The following MAP4K4 variants were observed in gnomAD, a reference collection of about 807,000 sequenced individuals.
MAP4K4 encodes mitogen-activated protein kinase kinase kinase kinase 4, also known as HPK/GCK-like kinase HGK.
Under a neutral mutation model 189.6 loss-of-function variants are expected in MAP4K4, and 38 were observed. That is an observed-to-expected ratio of 0.20 (90% CI 0.15 to 0.26). The LOEUF (loss-of-function observed/expected upper bound fraction) is 0.26, where lower values mean the gene tolerates loss of function less well. Among genes scored for constraint, MAP4K4 ranks in the 10% least tolerant of loss-of-function variants. MAP4K4 has a pLI of 1.00. For missense variants in MAP4K4, 1,054 were observed against 1,726.9 expected (o/e 0.61, Z 6.91); for synonymous variants, 610 against 624.3 (o/e 0.98, Z 0.34).
At chr2:101,782,010 C>T (rs979737141) in intron 2 of MAP4K4, among the ~76,000 whole-genome samples, 17 of 152,102 alleles carry the variant, frequency 1.1e-4, no homozygotes, top group African/African-American at 4.1e-4. Flanking sequence ...TACTGCCTGA[C>T]GTAATATTCC....
intron 7 of MAP4K4, among the ~76,000 whole-genome samples, chr2:101,833,054 G>T (rs1036719169): frequency 4.6e-5 from 7 of 152,114 alleles, no homozygotes; most frequent in Non-Finnish European, 8.8e-5. Flanking sequence ...ATGTTGCCAG[G>T]AGTGGCCACT....
intron 3 of MAP4K4, among the ~76,000 whole-genome samples, chr2:101,815,818 G>A (rs1337601364): frequency 1.3e-5 from 2 of 152,160 alleles, no homozygotes. Context: ...AACGGCAGGA[G>A]GCACTGCTTC....
At chr2:101,819,420 AGT>A (rs1307460870) in intron 3 of MAP4K4, among the ~76,000 whole-genome samples, 2 of 152,228 alleles carry the variant, frequency 1.3e-5, no homozygotes, top group African/African-American at 4.8e-5. Flanking sequence ...CTGTATTTCT[AGT>A]GTTTTTTCCT....
intron 2 of MAP4K4, among the ~76,000 whole-genome samples, chr2:101,755,791 T>C (rs1480985692): frequency 6.6e-6 from 1 of 152,186 alleles, no homozygotes; most frequent in Non-Finnish European, 1.5e-5. Flanking sequence ...CAGAGTACTT[T>C]GTGCAAACAG....
intron 8 of MAP4K4, 72 bp from the exon 9 acceptor site, chr2:101,835,828 T>G: frequency 9.7e-7 from 1 of 1,027,766 alleles, no homozygotes; most frequent in Admixed American, 1.8e-5. Flanking sequence ...TCATGTTATT[T>G]ATGACTGAAC....
Position 101,784,075 on chromosome 2 carries a change from CCATCCAGG to C in MAP4K4, c.124-6639_124-6632del, listed in dbSNP as rs1575487216. On this transcript the variant is annotated intron_variant, in intron 2 of 32. Coordinates refer to ENST00000324219, the Ensembl canonical transcript of MAP4K4. The stretch of plus-strand genomic sequence containing the variant: ...TTCTGTCCTTTGATGATCTTCAGTG[CCATCCAGG>C]CATCCTTGAAGGCTCAGCCGCAGCC... Among the ~76,000 whole-genome samples, 3 of 152,296 alleles carry C rather than the reference CCATCCAGG, an allele frequency of 2.0e-5. No homozygotes were observed. In the East Asian group the frequency reaches 5.8e-4, roughly 29 times the overall value.
intron 21 of MAP4K4, 97 bp downstream of exon 21, chr2:101,868,134 C>T (rs769887354): frequency 1.7e-4 from 226 of 1,306,244 alleles, no homozygotes; most frequent in Non-Finnish European, 2.3e-4. Context: ...CCTTCCTCAA[C>T]TTGACTTCTT....
At chr2:101,789,712 G>A (rs1195925962) in intron 2 of MAP4K4, among the ~76,000 whole-genome samples, 6 of 152,158 alleles carry the variant, frequency 3.9e-5, no homozygotes, top group Admixed American at 2.6e-4. Context: ...CAGAAGGACC[G>A]TTTCTCACAA....
At chr2:101,857,104 A>G (rs894703800) in intron 13 of MAP4K4, among the ~76,000 whole-genome samples, 1 of 152,216 alleles carries the variant, frequency 6.6e-6, no homozygotes, top group African/African-American at 2.4e-5. Flanking sequence ...AAAACATTCA[A>G]GCTTTTAAGA....
exon 25 of MAP4K4, chr2:101,873,742 C>A: frequency 6.2e-7 from 1 of 1,608,150 alleles, no homozygotes; most frequent in Non-Finnish European, 8.5e-7. Context: ...CTCCATCTAG[C>A]GGAACAACAG....
rs1008964749 is a variant in MAP4K4, at chr2:101,810,840, C to T, written c.181-13088C>T. Among the ~76,000 whole-genome samples the T allele has an allele frequency of 3.3e-5, 5 of 152,138 alleles. No homozygotes were observed. In the South Asian group the frequency reaches 6.2e-4, roughly 19 times the overall value. ...CAATTAATTCTACAAGCATAGGTTA[C>T]AGTATTCTTCTGTGCCAGTTTTTTG... On this transcript the variant is annotated intron_variant, in intron 3 of 32. Transcript: ENST00000324219.
chr2:101,792,597 T>TCTCCTCCTC (rs60472010), intron 3 of MAP4K4, among the ~76,000 whole-genome samples: 6,770 of 144,816 alleles, frequency 0.047, 574 homozygotes, highest in African/African-American at 0.15. Flanking sequence ...TTCTCCTCCT[T>TCTCCTCCTC]CTCCTCCTCC....
intron 2 of MAP4K4, among the ~76,000 whole-genome samples, chr2:101,725,878 G>A (rs1358208694): frequency 2.0e-5 from 3 of 152,162 alleles, no homozygotes; most frequent in African/African-American, 2.4e-5. Flanking sequence ...GGTGGGTTCC[G>A]TCTCTTCCAC....
At chr2:101,795,445 T>C (rs2093587508) in intron 3 of MAP4K4, among the ~76,000 whole-genome samples, 1 of 152,210 alleles carries the variant, frequency 6.6e-6, no homozygotes, top group Non-Finnish European at 1.5e-5. Context: ...ATTACAGCTG[T>C]TATTATTACA....
At chr2:101,769,845 G>T (rs1408170421) in intron 2 of MAP4K4, among the ~76,000 whole-genome samples, 4 of 152,094 alleles carry the variant, frequency 2.6e-5, no homozygotes, top group Non-Finnish European at 1.5e-5. Flanking sequence ...GCCTCCTAGA[G>T]TGCTGGGATT....
intron 2 of MAP4K4, among the ~76,000 whole-genome samples, chr2:101,706,618 T>C (rs2149243731): frequency 6.6e-6 from 1 of 152,352 alleles, no homozygotes; most frequent in Admixed American, 6.5e-5. Context: ...ACACGTCAGA[T>C]AATTTATTGT....
chr2:101,798,851 C>A (rs942494030), intron 3 of MAP4K4, among the ~76,000 whole-genome samples: 9 of 152,166 alleles, frequency 5.9e-5, no homozygotes, highest in Non-Finnish European at 1.3e-4. Context: ...CCATGTCATT[C>A]TCATCTTTTG....
At chr2:101,724,186 G>T (rs910744094) in intron 2 of MAP4K4, among the ~76,000 whole-genome samples, 2 of 152,198 alleles carry the variant, frequency 1.3e-5, no homozygotes, top group African/African-American at 4.8e-5. Flanking sequence ...CAGCATTCCA[G>T]CCAACCAATC....
At chr2:101,746,451 T>G (rs1023913575) in intron 2 of MAP4K4, among the ~76,000 whole-genome samples, 3 of 152,148 alleles carry the variant, frequency 2.0e-5, no homozygotes, top group African/African-American at 4.8e-5. Flanking sequence ...GGATTTGGAT[T>G]TGTTGTTCTG....
Sources: gnomAD v4.1 joint callset for allele counts (sites outside exome capture counted in the v4.1 genomes callset) on GRCh38, gnomAD v4.1.1 for gene constraint, MANE v1.5 for transcripts, NCBI Gene and HGNC (gene_info 2026-07-23, HGNC 2026-07-21) for gene names.